The following CCDC68 variants were observed in gnomAD, a reference collection of about 807,000 sequenced individuals.
CCDC68 encodes coiled-coil domain-containing protein 68.
A neutral mutation model predicts 47.1 loss-of-function variants in CCDC68; 45 were observed. The observed-to-expected ratio is 0.96, with a 90% CI of 0.75 to 1.23. CCDC68 has a LOEUF of 1.23. Ranked by LOEUF, CCDC68 falls within the 50% of genes most tolerant of loss-of-function variation. The pLI is 0.00. For missense variants in CCDC68, 353 were observed against 373.6 expected, an observed-to-expected ratio of 0.94 and a Z score of 0.45; for synonymous variants, 131 against 129.5, an observed-to-expected ratio of 1.01 and a Z score of -0.08.
chr18:54,920,737 C>T (rs988272526), intron 8 of CCDC68, among the ~76,000 whole-genome samples: 1 of 152,184 alleles, frequency 6.6e-6, no homozygotes, highest in Non-Finnish European at 1.5e-5. Context: ...TGCTTATACA[C>T]TGTTGGTGGG....
intron 1 of CCDC68, among the ~76,000 whole-genome samples, chr18:54,958,334 T>C (rs1468687687): frequency 6.6e-6 from 1 of 152,158 alleles, no homozygotes. Context: ...GCACCAATTG[T>C]GTCTGCCAGG....
intron 10 of CCDC68, among the ~76,000 whole-genome samples, chr18:54,914,094 C>A (rs2043902382): frequency 2.0e-5 from 3 of 152,140 alleles, no homozygotes; most frequent in Admixed American, 2.0e-4. Flanking sequence ...ACATTCATAG[C>A]CACATACCCA....
intron 1 of CCDC68, among the ~76,000 whole-genome samples, chr18:54,947,242 G>T (rs755884754): frequency 9.2e-5 from 14 of 152,230 alleles, no homozygotes; most frequent in Non-Finnish European, 1.5e-4. Flanking sequence ...TGCTAGAATG[G>T]ATTGAAGACA....
chr18:54,923,002 A>T lies in CCDC68; in HGVS notation c.684-3626T>A, dbSNP rs1459082632. ...GACTCCGTCTCAAAAAAAAAAAAAA[A>T]AAAAAAAAAAAGATCAAAACACAGA... is the stretch of plus-strand genomic sequence containing the variant. On this transcript the variant is annotated intron_variant, in intron 8 of 11. Coordinates refer to ENST00000591504, the MANE Select transcript of CCDC68 (RefSeq NM_025214.3). Among the ~76,000 whole-genome samples the T allele has an allele frequency of 3.5e-3, 534 of 151,058 alleles. 11 individuals are homozygous for T. Among genetic ancestry groups the T allele is most frequent in the African/African-American group, 0.012 (505 of 41,328 alleles).
intron 1 of CCDC68, among the ~76,000 whole-genome samples, chr18:54,948,442 CT>C (rs2044561308): frequency 6.6e-6 from 1 of 152,150 alleles, no homozygotes; most frequent in Admixed American, 6.5e-5. Flanking sequence ...CTGCAGACAC[CT>C]TGATCTTGAA....
intron 10 of CCDC68, among the ~76,000 whole-genome samples, chr18:54,913,534 G>T (rs1289217601): frequency 6.6e-6 from 1 of 152,198 alleles, no homozygotes; most frequent in Non-Finnish European, 1.5e-5. Context: ...GAGTGAAGTG[G>T]TTCACACTTG....
intron 1 of CCDC68, among the ~76,000 whole-genome samples, chr18:54,950,678 C>A (rs1243240649): frequency 6.6e-6 from 1 of 151,554 alleles, no homozygotes; most frequent in Non-Finnish European, 1.5e-5. Context: ...TGTGTAAACA[C>A]AATATATAAA....
chr18:54,907,243 A>G (rs1914064705), intron 11 of CCDC68, among the ~76,000 whole-genome samples: 1 of 152,262 alleles, frequency 6.6e-6, no homozygotes, highest in Non-Finnish European at 1.5e-5. Flanking sequence ...GGTTTCAACC[A>G]TCATTTCAAT....
chr18:54,930,661 T>TCCTC (rs2044235463), intron 7 of CCDC68, among the ~76,000 whole-genome samples: 1 of 7,708 alleles, frequency 1.3e-4, no homozygotes, highest in African/African-American at 4.4e-4. Flanking sequence ...CTCCCTTCCT[T>TCCTC]CCTTCCTTCC....
chr18:54,909,218 T>C (rs1914195508), intron 10 of CCDC68, among the ~76,000 whole-genome samples: 1 of 152,078 alleles, frequency 6.6e-6, no homozygotes, highest in Non-Finnish European at 1.5e-5. Context: ...GAGTTGCCAG[T>C]GGGTTGCACT....
chr18:54,926,708 G>A (rs1599052357), intron 8 of CCDC68, among the ~76,000 whole-genome samples: 1 of 152,148 alleles, frequency 6.6e-6, no homozygotes, highest in African/African-American at 2.4e-5. Context: ...GATCTTCAGA[G>A]GTTTCTAGAA....
intron 7 of CCDC68, among the ~76,000 whole-genome samples, chr18:54,931,038 G>A (rs1031706711): frequency 4.6e-5 from 7 of 151,968 alleles, no homozygotes; most frequent in Middle Eastern, 3.4e-3. Context: ...TCTTACAAGC[G>A]TATGATAAGG....
chr18:54,929,352 AAGG>A (rs2044204017), intron 7 of CCDC68, among the ~76,000 whole-genome samples: 1 of 152,224 alleles, frequency 6.6e-6, no homozygotes, highest in African/African-American at 2.4e-5. Flanking sequence ...GTTTTTGATG[AAGG>A]ATCAAGGCCA....
At chr18:54,904,487 C>G (rs1280086854) in intron 11 of CCDC68, 72 bp from the exon 12 acceptor site, 1 of 1,149,918 alleles carries the variant, frequency 8.7e-7, no homozygotes, top group Non-Finnish European at 1.3e-6. Context: ...GACTACCATA[C>G]TCAACTACCA....
At chr18:54,920,096 C>T (rs2044030033) in intron 8 of CCDC68, among the ~76,000 whole-genome samples, 1 of 152,178 alleles carries the variant, frequency 6.6e-6, no homozygotes, top group African/African-American at 2.4e-5. Context: ...GGCTGTTTCT[C>T]TTCTTGCTAC....
At chr18:54,954,102 G>C (rs184732613) in intron 1 of CCDC68, among the ~76,000 whole-genome samples, 146 of 148,376 alleles carry the variant, frequency 9.8e-4, no homozygotes, top group African/African-American at 3.6e-3. Flanking sequence ...GTCACCCAGG[G>C]TGGAGTGCAG....
In CCDC68 at chr18:54,935,440, T is replaced by C. The variant is rs1290253909; in HGVS notation, c.472-492A>G. On this transcript the variant is annotated intron_variant, in intron 6 of 11. Coordinates refer to ENST00000591504, the MANE Select transcript of CCDC68 (RefSeq NM_025214.3). The stretch of plus-strand genomic sequence containing the variant: ...AGAGAAGACTCCATCTAGCAGGCAG[T>C]AAGCTACAGTGGGACTGTGTCGACT... Among the ~76,000 whole-genome samples the C allele has an allele frequency of 3.3e-5, 5 of 152,356 alleles. No individual in the cohort carries two copies. In the East Asian group the frequency reaches 9.6e-4, roughly 29 times the overall value.
intron 10 of CCDC68, among the ~76,000 whole-genome samples, chr18:54,908,941 C>G (rs928720187): frequency 1.3e-5 from 2 of 152,082 alleles, no homozygotes; most frequent in Non-Finnish European, 2.9e-5. Context: ...AACTCCTGGA[C>G]TTGAGCAGTC....
rs4638673 is a variant in CCDC68 at position 54,938,032 on chromosome 18, C to T, written c.270G>A (p.Leu90=). 6.2e-7 allele frequency: 1 copy of T among 1,613,778 alleles called. No homozygotes were observed. Among genetic ancestry groups the T allele is most frequent in the Non-Finnish European group, 8.5e-7 (1 of 1,179,808 alleles). ...EMDPSCCSLD[L]LMKKIKGKDL... ...CTTTTCCTTTTATCTTTTTCATAAG[C>T]AAATCCAAACTGCAACAAGAAGGAT... is the stretch of plus-strand genomic sequence containing the variant. The change falls in exon 5 of 12, where the codon TTG becomes TTA. Residue 90 remains leucine (L), a synonymous_variant. Coordinates refer to ENST00000591504, the MANE Select transcript of CCDC68 (RefSeq NM_025214.3).
Sources: gnomAD v4.1 joint callset for allele counts (sites outside exome capture counted in the v4.1 genomes callset) on GRCh38, gnomAD v4.1.1 for gene constraint, MANE v1.5 for transcripts, NCBI Gene and HGNC (gene_info 2026-07-23, HGNC 2026-07-21) for gene names.